Variants in GRM6 observed in about 807,000 individuals in gnomAD.
The protein encoded by GRM6 is metabotropic glutamate receptor 6.
In GRM6, 73 loss-of-function variants were observed where a neutral mutation model predicts 78.4. The observed-to-expected ratio is 0.93, with a 90% CI of 0.77 to 1.13. The LOEUF is 1.13. Ranked by LOEUF, GRM6 falls within the 50% of genes most tolerant of loss-of-function variation. GRM6 has a pLI of 0.00. For missense variants in GRM6, 1,251 were observed against 1,256.4 expected (o/e 1.00, Z 0.07); for synonymous variants, 580 against 555.0 (o/e 1.05, Z -0.63).
intron 9 of GRM6, among the ~76,000 whole-genome samples, chr5:178,985,017 G>C (rs1760482455): frequency 6.6e-6 from 1 of 152,104 alleles, no homozygotes; most frequent in Non-Finnish European, 1.5e-5. Context: ...TAACTTTACT[G>C]TCTTAGGAAA....
rs1199505553 is a variant in GRM6, at chr5:178,991,371, G to GT, written c.857+52dup. 1.9e-6 allele frequency: 3 copies of GT among 1,546,468 alleles called. No individual in the cohort carries two copies. In the East Asian group the frequency reaches 6.7e-5, roughly 35 times the overall value. ...AAGGTGGCGATGTGCAAGAGGAGGG[G>GT]TGGGACCCTCAGGGAGAGCCCCAGG... On this transcript the variant is annotated intron_variant, in intron 4 of 10. Transcript: ENST00000517717. The surrounding 1 kb of genome is among the most constrained non-coding windows in gnomAD (Gnocchi z 5.0).
At chr5:178,982,713 GAA>G in intron 10 of GRM6, 195 bp downstream of exon 10, 1 of 466,466 alleles carries the variant, frequency 2.1e-6, no homozygotes, top group East Asian at 3.3e-5. Context: ...AAGAAAAAAA[GAA>G]GAGTGGAAGT....
chr5:178,981,435 C>G lies in GRM6; in HGVS notation c.*222G>C. 1.8e-6 allele frequency: 1 copy of G among 552,250 alleles called. No individual in the cohort carries two copies. 34.2% of individuals were successfully genotyped at this position (552,250 alleles called of 1,614,324 possible). Reference sequence around the variant, plus strand: ...GGTGGCTGTTTCCCACCATGGGAAGCGAGTCTGGTCTGTGGTGAGGAAGCA... The same window carrying G: ...GGTGGCTGTTTCCCACCATGGGAAGGGAGTCTGGTCTGTGGTGAGGAAGCA... On this transcript the variant is annotated 3_prime_UTR_variant, in exon 11 of 11. Coordinates refer to ENST00000517717, the MANE Select transcript of GRM6 (RefSeq NM_000843.4). This position sits in a 1 kb window ranked among gnomAD's most constrained non-coding sequence, Gnocchi z 5.1.
chr5:178,989,203 CCCTCCCCA>C, intron 6 of GRM6, 54 bp downstream of exon 6: 2 of 300,258 alleles, frequency 6.7e-6, no homozygotes, highest in Non-Finnish European at 1.0e-5. Context: ...CCCGCCTTCC[CCCTCCCCA>C]CCCTCACCAC....
At position 178,981,375 on chromosome 5, in the gene GRM6, T is replaced by A; in HGVS notation, c.*282A>T. ...CCTCTTTGGACTTCGGATGAGAGAA[T>A]AAGTTTAGTCCCTTTCTAGAGCTAG... On this transcript the variant is annotated 3_prime_UTR_variant, in exon 11 of 11. Transcript: ENST00000517717. This position sits in a 1 kb window ranked among gnomAD's most constrained non-coding sequence, Gnocchi z 5.1. The A allele has an allele frequency of 2.3e-6, 1 of 433,654 alleles. No homozygotes were observed. The highest frequency in any genetic ancestry group is 2.9e-5 in the South Asian group (1 of 34,690). 26.9% of individuals were successfully genotyped at this position (433,654 alleles called of 1,614,324 possible).
At chr5:178,990,306 A>G (rs1760647337) in intron 5 of GRM6, among the ~76,000 whole-genome samples, 1 of 152,174 alleles carries the variant, frequency 6.6e-6, no homozygotes, top group African/African-American at 2.4e-5. Context: ...CTCAGATTAG[A>G]ATGTCTTTGG....
At chr5:178,989,217 A>ACCACCCTCC (rs771320369) in intron 6 of GRM6, 48 bp downstream of exon 6, 6 of 957,464 alleles carry the variant, frequency 6.3e-6, no homozygotes, top group African/African-American at 3.5e-5. Context: ...CCCCACCCTC[A>ACCACCCTCC]CCACCCTCCC....
chr5:178,990,742 C>T lies in GRM6; in HGVS notation c.862G>A (p.Val288Ile), dbSNP rs564973002. 4 of 1,565,788 alleles carry T rather than the reference C, an allele frequency of 2.6e-6. No individual in the cohort carries two copies. In the East Asian group the frequency reaches 7.1e-5, roughly 28 times the overall value. The change falls in exon 5 of 11, where the codon GTC becomes ATC. Residue 288 changes from valine (V) to isoleucine (I), a missense_variant. Val to Ile is a conservative substitution (Grantham distance 29). Transcript: ENST00000517717. The part of the protein sequence containing the change: ...IFANEDDIRR[V>I]LEAARQANLT... ...TTGGCCTGGCGAGCTGCCTCCAGGACCCGCCTGGTAGGAGCAGGGCTGGGG... is the reference window on the plus strand; with the variant it reads ...TTGGCCTGGCGAGCTGCCTCCAGGATCCGCCTGGTAGGAGCAGGGCTGGGG...
Position 178,986,172 on chromosome 5 carries a change from G to T in GRM6, c.2082C>A (p.Pro694=). The T allele has an allele frequency of 6.2e-7, 1 of 1,613,954 alleles. No homozygotes were observed. Among genetic ancestry groups the T allele is most frequent in the Admixed American group, 1.7e-5 (1 of 60,024 alleles). The stretch of plus-strand genomic sequence containing the variant: ...TGAAGGTGATGACCAGCTGTGAGGT[G>T]GGGCTGATGAAGGGAGGGGGTGTGA... ...RSVTPPPFIS[P]TSQLVITFSL... is the part of the protein sequence containing the mutation. The change falls in exon 9 of 11, where the codon CCC becomes CCA. Residue 694 remains proline, a synonymous_variant. Transcript: ENST00000517717.
intron 10 of GRM6, chr5:178,982,692 TAAAAAAAAA>T: frequency 2.3e-6 from 1 of 431,646 alleles, no homozygotes; most frequent in Non-Finnish European, 4.1e-6. Flanking sequence ...ATGAAAATGA[TAAAAAAAAA>T]AAAGAAAAAA....
chr5:178,987,563 GC>G, intron 7 of GRM6: 1 of 414,964 alleles, frequency 2.4e-6, no homozygotes, highest in Non-Finnish European at 4.9e-6. Flanking sequence ...AGTCACACAT[GC>G]GCAAATACCG....
At chr5:178,987,075 A>G (rs1760582262) in intron 7 of GRM6, 92 bp from the exon 8 acceptor site, 2 of 1,304,098 alleles carry the variant, frequency 1.5e-6, no homozygotes, top group African/African-American at 1.5e-5. Flanking sequence ...AGAAAGGAGG[A>G]GCTTAACAAG....
chr5:178,986,392 C>A lies in GRM6; in HGVS notation c.1862G>T (p.Arg621Leu). The change falls in exon 9 of 11, where the codon CGA becomes CTA. Residue 621 changes from arginine to leucine, a missense_variant. By Grantham distance (102) the Arg-to-Leu change is moderately radical (BLOSUM62 -2). Transcript: ENST00000517717. ...GGTGAGGAGGACGTAGCTGAGCTCT[C>A]GGCCCGAGGCCCGGACGATGGGCGT... Reference protein sequence around the residue: ...NNTPIVRASGRELSYVLLTGI... With the variant: ...NNTPIVRASGLELSYVLLTGI... 5 of 1,613,942 alleles carry A rather than the reference C, an allele frequency of 3.1e-6. No individual in the cohort carries two copies. Among genetic ancestry groups the A allele is most frequent in the Non-Finnish European group, 3.4e-6 (4 of 1,180,026 alleles).
rs146435706 is a variant in GRM6 at position 178,988,173 on chromosome 5, G to A, written c.1354+762C>T. ...ATGAAAAAAGTTTCACTGTCCAGGCGAGAGGATGAGTTCAGACACGGAGAG... is the reference window on the plus strand; with the variant it reads ...ATGAAAAAAGTTTCACTGTCCAGGCAAGAGGATGAGTTCAGACACGGAGAG... On this transcript the variant is annotated intron_variant, in intron 7 of 10. Transcript: ENST00000517717. This position sits in a 1 kb window ranked among gnomAD's most constrained non-coding sequence, Gnocchi z 6.0. Among the ~76,000 whole-genome samples, 248 of 152,276 alleles carry A rather than the reference G, an allele frequency of 1.6e-3. No individual in the cohort carries two copies. Among genetic ancestry groups the A allele is most frequent in the African/African-American group, 5.8e-3 (242 of 41,544 alleles).
Position 178,989,068 on chromosome 5 carries a change from C to T in GRM6, c.1221G>A (p.Ala407=), listed in dbSNP as rs544297690. 2.6e-5 allele frequency: 42 copies of T among 1,613,878 alleles called. No homozygotes were observed. The highest frequency in any genetic ancestry group is 1.3e-4 in the South Asian group (12 of 91,074). The change falls in exon 7 of 11, where the codon GCG becomes GCA. Residue 407 remains alanine (A), a synonymous_variant. Transcript: ENST00000517717. ...GGAGGGCGTGGGCAATGGCGTACACCGCATCAATCACAAACTGCACCTTGC... is the reference window on the plus strand; with the variant it reads ...GGAGGGCGTGGGCAATGGCGTACACTGCATCAATCACAAACTGCACCTTGC... The part of the protein sequence containing the change: ...QEGKVQFVID[A]VYAIAHALHS...
Position 178,989,003 on chromosome 5 carries a change from A to T in GRM6, c.1286T>A (p.Leu429Gln), listed in dbSNP as rs1226087176. 1.9e-6 allele frequency: 3 copies of T among 1,614,086 alleles called. No individual in the cohort carries two copies. The highest frequency in any genetic ancestry group is 1.7e-6 in the Non-Finnish European group (2 of 1,179,992). ...ATCAGTGGGTTCCATCGCCGGGCAC[A>T]GGCCTGTGTGCCCAGGGCAGAGCGC... ...HQALCPGHTG[L>Q]CPAMEPTDGR... Residue 429 changes from leucine to glutamine, a missense_variant, in exon 7 of 11, where the codon CTG becomes CAG. Coordinates refer to ENST00000517717, the MANE Select transcript of GRM6 (RefSeq NM_000843.4).
At position 178,983,219 on chromosome 5, in the gene GRM6, C is replaced by T; in HGVS notation, c.2127G>A (p.Val709=). The stretch of plus-strand genomic sequence containing the variant: ...CCCCCAGCCATGCTATCATCCCCAC[C>T]ACCTGCAGGAGCCAACACTGCATCA... ...VITFSLTSLQ[V]VGMIAWLGAR... Residue 709 remains valine, a splice_region_variant and synonymous_variant, in exon 10 of 11, where the codon GTG becomes GTA. Transcript: ENST00000517717. 6.2e-7 allele frequency: 1 copy of T among 1,611,122 alleles called. No individual in the cohort carries two copies. The highest frequency in any genetic ancestry group is 8.5e-7 in the Non-Finnish European group (1 of 1,178,460).
At chr5:178,983,650 C>T (rs1760452891) in intron 9 of GRM6, 3 of 339,432 alleles carry the variant, frequency 8.8e-6, no homozygotes, top group African/African-American at 2.2e-5. Context: ...GTGTACTGAG[C>T]TTCAAAATCA....
At chr5:178,993,482 G>A (rs370931996) in intron 2 of GRM6, among the ~76,000 whole-genome samples, 1 of 152,206 alleles carries the variant, frequency 6.6e-6, no homozygotes, top group Non-Finnish European at 1.5e-5. Flanking sequence ...TTTCATGTGC[G>A]CAGACGATAG....
Sources: gnomAD v4.1 joint callset for allele counts (sites outside exome capture counted in the v4.1 genomes callset) on GRCh38, gnomAD v4.1.1 for gene constraint, Gnocchi (gnomAD v3.1) non-coding constraint, MANE v1.5 for transcripts, NCBI Gene and HGNC (gene_info 2026-07-23, HGNC 2026-07-21) for gene names.